The following WWOX variants were observed in gnomAD, a reference collection of about 807,000 sequenced individuals.
WWOX encodes WW domain containing oxidoreductase, also known as WW domain-containing oxidoreductase.
A neutral mutation model predicts 46.2 loss-of-function variants in WWOX; 69 were observed. The observed-to-expected ratio is 1.49, with a 90% CI of 1.23 to 1.82. WWOX has a LOEUF of 1.82. WWOX is among the 40% of genes most tolerant of loss of function. The pLI, the probability that WWOX is intolerant of heterozygous loss-of-function variation, is 0.00. For missense variants in WWOX, 919 were observed against 542.6 expected (o/e 1.69, Z -6.89); for synonymous variants, 359 against 202.6 (o/e 1.77, Z -6.56).
At chr16:78,313,179 A>C (rs2151876654) in intron 5 of WWOX, among the ~76,000 whole-genome samples, 1 of 152,284 alleles carries the variant, frequency 6.6e-6, no homozygotes, top group Non-Finnish European at 1.5e-5. Flanking sequence ...TGGAAATCAG[A>C]CATCTTAGAC....
chr16:78,883,008 C>G (rs2044376224), intron 8 of WWOX, among the ~76,000 whole-genome samples: 1 of 152,108 alleles, frequency 6.6e-6, no homozygotes, highest in South Asian at 2.1e-4. Flanking sequence ...GCTCCCGACA[C>G]AAGGAACTGC....
chr16:78,577,918 C>G (rs1284423085), intron 8 of WWOX, among the ~76,000 whole-genome samples: 2 of 152,032 alleles, frequency 1.3e-5, no homozygotes, highest in African/African-American at 2.4e-5. Context: ...TTCTTGCTAT[C>G]AGTTGTACCC....
intron 8 of WWOX, among the ~76,000 whole-genome samples, chr16:78,717,221 A>T (rs367833828): frequency 6.6e-6 from 1 of 152,174 alleles, no homozygotes; most frequent in East Asian, 1.9e-4. Flanking sequence ...TTTAAATTTA[A>T]TTTAAATCAA....
chr16:78,510,111 T>C (rs2151485483), intron 8 of WWOX, among the ~76,000 whole-genome samples: 1 of 152,096 alleles, frequency 6.6e-6, no homozygotes, highest in African/African-American at 2.4e-5. Context: ...CTCTCGGAAA[T>C]ATTCCTTCAG....
chr16:78,539,355 C>T (rs2043832899), intron 8 of WWOX, among the ~76,000 whole-genome samples: 1 of 152,188 alleles, frequency 6.6e-6, no homozygotes, highest in African/African-American at 2.4e-5. Flanking sequence ...CTCTGTTTCC[C>T]TGCTAGGGGC....
intron 8 of WWOX, among the ~76,000 whole-genome samples, chr16:79,026,360 C>T (rs903590670): frequency 6.6e-6 from 1 of 151,692 alleles, no homozygotes; most frequent in Non-Finnish European, 1.5e-5. Flanking sequence ...CAGATCTCAG[C>T]TCACACATCA....
chr16:78,635,714 C>T (rs774103585), intron 8 of WWOX, among the ~76,000 whole-genome samples: 30 of 152,160 alleles, frequency 2.0e-4, no homozygotes, highest in Non-Finnish European at 4.3e-4. Flanking sequence ...ACATCATCTC[C>T]GTCCACATCA....
chr16:78,817,765 A>G (rs1264753098), intron 8 of WWOX, among the ~76,000 whole-genome samples: 1 of 152,034 alleles, frequency 6.6e-6, no homozygotes, highest in Admixed American at 6.5e-5. Context: ...TTCCCCTGAG[A>G]TTGCGCCTCC....
At chr16:79,190,711 T>A (rs1274295747) in intron 8 of WWOX, among the ~76,000 whole-genome samples, 1 of 152,110 alleles carries the variant, frequency 6.6e-6, no homozygotes, top group Non-Finnish European at 1.5e-5. Context: ...GACCAAATCC[T>A]GCCTGCTGTT....
At chr16:78,755,488 A>T (rs1039732720) in intron 8 of WWOX, among the ~76,000 whole-genome samples, 2 of 152,128 alleles carry the variant, frequency 1.3e-5, no homozygotes, top group African/African-American at 4.8e-5. Flanking sequence ...GGGAGGAACA[A>T]AGATGTTCTT....
At chr16:78,697,826 A>G (rs1031633573) in intron 8 of WWOX, among the ~76,000 whole-genome samples, 2 of 152,090 alleles carry the variant, frequency 1.3e-5, no homozygotes, top group Non-Finnish European at 2.9e-5. Context: ...GAGCATCTGT[A>G]TCTGTTTTGG....
At chr16:79,049,832 C>T (rs1238113130) in intron 8 of WWOX, among the ~76,000 whole-genome samples, 1 of 121,814 alleles carries the variant, frequency 8.2e-6, no homozygotes, top group Non-Finnish European at 1.7e-5. Flanking sequence ...GAGACTCTGT[C>T]TCAAAAAAAA....
At chr16:78,253,329 T>G (rs1472165282) in intron 5 of WWOX, among the ~76,000 whole-genome samples, 2 of 152,214 alleles carry the variant, frequency 1.3e-5, no homozygotes, top group East Asian at 1.9e-4. Context: ...CTAATACATA[T>G]TAACTCTTAT....
At chr16:78,990,361 G>C (rs1310004322) in intron 8 of WWOX, among the ~76,000 whole-genome samples, 4 of 152,136 alleles carry the variant, frequency 2.6e-5, no homozygotes, top group African/African-American at 9.7e-5. Flanking sequence ...GAAGGGCCCT[G>C]TCCGCAGCCT....
intron 8 of WWOX, among the ~76,000 whole-genome samples, chr16:79,188,356 C>G (rs1193243569): frequency 1.3e-5 from 2 of 150,976 alleles, no homozygotes; most frequent in Non-Finnish European, 1.5e-5. Context: ...TGGCCAAGAC[C>G]TATTTCCCTT....
chr16:78,640,583 A>T (rs911090786), intron 8 of WWOX, among the ~76,000 whole-genome samples: 17 of 152,124 alleles, frequency 1.1e-4, no homozygotes, highest in African/African-American at 3.9e-4. Context: ...CATGGCACAC[A>T]TTTACCTATG....
At chr16:78,475,068 G>C (rs947018390) in intron 8 of WWOX, among the ~76,000 whole-genome samples, 31 of 152,016 alleles carry the variant, frequency 2.0e-4, no homozygotes, top group African/African-American at 7.0e-4. Context: ...TGTTTGTCAG[G>C]TGCATAAATC....
chr16:78,178,522 A>G (rs375636166), intron 5 of WWOX, among the ~76,000 whole-genome samples: 13 of 152,148 alleles, frequency 8.5e-5, no homozygotes, highest in African/African-American at 3.1e-4. Context: ...AATACATGTC[A>G]GTGCTAGACC....
intron 8 of WWOX, among the ~76,000 whole-genome samples, chr16:78,453,474 A>G (rs967165995): frequency 6.6e-5 from 10 of 152,154 alleles, no homozygotes; most frequent in African/African-American, 2.4e-4. Context: ...GTTTATAAAG[A>G]CAACATGAGC....
Sources: gnomAD v4.1 joint callset for allele counts (sites outside exome capture counted in the v4.1 genomes callset) on GRCh38, gnomAD v4.1.1 for gene constraint, MANE v1.5 for transcripts, NCBI Gene and HGNC (gene_info 2026-07-23, HGNC 2026-07-21) for gene names.